PDE4D: variants seen among roughly 807,000 people sequenced by gnomAD.
The protein encoded by PDE4D is 3',5'-cyclic-AMP phosphodiesterase 4D.
PDE4D carries 24 observed loss-of-function variants against 87.4 expected under a neutral mutation model. The ratio of observed to expected loss-of-function variants is 0.27; its 90% CI spans 0.20 to 0.39. The LOEUF (loss-of-function observed/expected upper bound fraction) is 0.39, where lower values mean the gene tolerates loss of function less well. Ranked by LOEUF, PDE4D falls within the 10% of genes least tolerant of loss-of-function variation. PDE4D has a pLI of 1.00. For synonymous variants in PDE4D, 384 were observed against 383.2 expected (o/e 1.00, Z -0.02); for missense variants, 714 against 1,041.0 (o/e 0.69, Z 4.32).
chr5:60,106,392 C>T lies in PDE4D; in HGVS notation c.42+79165G>A, dbSNP rs562454524. 5.9e-5 allele frequency among the ~76,000 whole-genome samples: 9 copies of T among 151,342 alleles called. No homozygotes were observed. The East Asian group carries it at 1.4e-3, about 23-fold the overall frequency. On this transcript the variant is annotated intron_variant, in intron 2 of 16. Transcript: ENST00000502484. ...AGTGACCTACAAAGAGACTTAGACT[C>T]CCACACAATAATAATGGGAGACTTT...
At chr5:59,499,530 C>A (rs1222963338) in intron 1 of PDE4D, among the ~76,000 whole-genome samples, 1 of 151,822 alleles carries the variant, frequency 6.6e-6, no homozygotes, top group Non-Finnish European at 1.5e-5. Flanking sequence ...ATACTGCTAG[C>A]TAGATTAACA....
chr5:59,231,374 G>C (rs1755146688), intron 1 of PDE4D, among the ~76,000 whole-genome samples: 1 of 152,154 alleles, frequency 6.6e-6, no homozygotes, highest in Non-Finnish European at 1.5e-5. Context: ...GACTAGATGT[G>C]AGCAGAAATA....
At chr5:58,990,037 A>T in intron 9 of PDE4D, 118 bp from the exon 10 acceptor site, 1 of 636,244 alleles carries the variant, frequency 1.6e-6, no homozygotes, top group African/African-American at 1.8e-5. Flanking sequence ...TGGAAATGGC[A>T]ACTGCACTCT....
At chr5:58,996,988 C>A (rs1370819550) in intron 6 of PDE4D, among the ~76,000 whole-genome samples, 2 of 152,110 alleles carry the variant, frequency 1.3e-5, no homozygotes, top group Non-Finnish European at 2.9e-5. Flanking sequence ...CCATCACATG[C>A]CCACCTCCCT....
At chr5:60,064,132 T>C (rs7709983) in intron 2 of PDE4D, among the ~76,000 whole-genome samples, 44,346 of 151,986 alleles carry the variant, frequency 0.29, 7,255 homozygotes, top group East Asian at 0.74. Flanking sequence ...TAATCACATA[T>C]AATTTTCATA....
chr5:59,384,169 G>T (rs1028769266), intron 1 of PDE4D, among the ~76,000 whole-genome samples: 5 of 152,134 alleles, frequency 3.3e-5, no homozygotes, highest in African/African-American at 1.2e-4. Flanking sequence ...GCCTCCCAAA[G>T]TGCTAGGATT....
At chr5:59,692,373 G>C (rs752911391) in intron 1 of PDE4D, among the ~76,000 whole-genome samples, 4 of 152,116 alleles carry the variant, frequency 2.6e-5, no homozygotes, top group Non-Finnish European at 5.9e-5. Context: ...CAAGGGGATT[G>C]GGTGAAAGAA....
At chr5:60,084,506 A>T (rs1219206769) in intron 2 of PDE4D, among the ~76,000 whole-genome samples, 1 of 152,204 alleles carries the variant, frequency 6.6e-6, no homozygotes, top group Non-Finnish European at 1.5e-5. Flanking sequence ...AGAAAAAAAA[A>T]AATCTGCATA....
In PDE4D at chr5:59,958,664, A is replaced by G. The variant is rs144932814; in HGVS notation, c.272+29824T>C. 8.2e-3 allele frequency among the ~76,000 whole-genome samples: 1,253 copies of G among 152,290 alleles called. 16 individuals are homozygous for G. Among genetic ancestry groups the G allele is most frequent in the African/African-American group, 0.029 (1,191 of 41,562 alleles). On this transcript the variant is annotated intron_variant, in intron 3 of 16. Coordinates refer to the PDE4D transcript ENST00000502484. ...ACATCCCTTCATGATAAAAACCCTC[A>G]GCAAACTAGGCATCAAAGGAATATA...
chr5:59,724,819 G>A (rs984686115), intron 1 of PDE4D, among the ~76,000 whole-genome samples: 1 of 152,084 alleles, frequency 6.6e-6, no homozygotes, highest in African/African-American at 2.4e-5. Context: ...GAGCTTTTGT[G>A]TACTTGAGGT....
At chr5:60,345,081 T>C (rs1356769285) in intron 1 of PDE4D, among the ~76,000 whole-genome samples, 1 of 152,092 alleles carries the variant, frequency 6.6e-6, no homozygotes, top group African/African-American at 2.4e-5. Context: ...ATATATAGTT[T>C]TAGGTCTTAC....
intron 1 of PDE4D, among the ~76,000 whole-genome samples, chr5:59,261,967 T>C (rs1762082778): frequency 6.6e-6 from 1 of 151,918 alleles, no homozygotes; most frequent in Non-Finnish European, 1.5e-5. Context: ...ATTTATTTTA[T>C]ATTACTCCAC....
At chr5:59,975,932 T>C (rs770457085) in intron 3 of PDE4D, among the ~76,000 whole-genome samples, 4 of 152,196 alleles carry the variant, frequency 2.6e-5, no homozygotes, top group African/African-American at 4.8e-5. Flanking sequence ...TTCATATTTC[T>C]CCATTTGTCT....
At chr5:59,521,085 T>A (rs7703658) in intron 1 of PDE4D, among the ~76,000 whole-genome samples, 67,588 of 150,678 alleles carry the variant, frequency 0.45, 16,571 homozygotes, top group African/African-American at 0.65. Context: ...ATTTCAAGGG[T>A]GATTAAGGAA....
At chr5:60,261,870 T>A (rs983274696) in intron 1 of PDE4D, among the ~76,000 whole-genome samples, 3 of 151,996 alleles carry the variant, frequency 2.0e-5, no homozygotes, top group South Asian at 2.1e-4. Context: ...TCCTTGAACA[T>A]CCCCCAACCC....
intron 2 of PDE4D, among the ~76,000 whole-genome samples, chr5:60,167,681 T>G (rs1240201747): frequency 6.6e-6 from 1 of 152,226 alleles, no homozygotes; most frequent in East Asian, 1.9e-4. Context: ...TTTCAATTTT[T>G]CTGTTTCTCA....
intron 2 of PDE4D, among the ~76,000 whole-genome samples, chr5:60,003,424 A>G (rs1764178742): frequency 6.6e-6 from 1 of 152,098 alleles, no homozygotes; most frequent in Admixed American, 6.6e-5. Flanking sequence ...CCTAAGAAAG[A>G]AGAATGGCTG....
chr5:60,302,329 A>G (rs1375915653), intron 1 of PDE4D, among the ~76,000 whole-genome samples: 1 of 152,136 alleles, frequency 6.6e-6, no homozygotes, highest in African/African-American at 2.4e-5. Flanking sequence ...GTTACTTACT[A>G]CTGTCTCAAT....
At chr5:59,587,460 C>G in intron 1 of PDE4D, 1 of 985,394 alleles carries the variant, frequency 1.0e-6, no homozygotes, top group Non-Finnish European at 1.2e-6. Flanking sequence ...ACCTTGCATG[C>G]TTTTAAAACA....
Sources: allele counts gnomAD v4.1 joint callset (sites outside exome capture counted in the v4.1 genomes callset), GRCh38; gene constraint gnomAD v4.1.1; transcripts MANE v1.5; gene names NCBI Gene and HGNC (gene_info 2026-07-23, HGNC 2026-07-21).